Variants in CDH12 observed in about 807,000 individuals in gnomAD.
CDH12 encodes the protein cadherin 12.
In CDH12, 41 loss-of-function variants were observed where a neutral mutation model predicts 74.1. The observed-to-expected ratio is 0.55, with a 90% CI of 0.43 to 0.72. CDH12 has a LOEUF of 0.72. Among genes scored for constraint, CDH12 ranks in the 30% least tolerant of loss-of-function variants. The pLI is 0.00. For synonymous variants in CDH12, 399 were observed against 355.0 expected (o/e 1.12, Z -1.39); for missense variants, 945 against 977.2 (o/e 0.97, Z 0.44).
intron 1 of CDH12, among the ~76,000 whole-genome samples, chr5:22,589,915 C>G (rs1740616285): frequency 6.6e-6 from 1 of 152,030 alleles, no homozygotes; most frequent in Non-Finnish European, 1.5e-5. Flanking sequence ...GGGTTCTAAC[C>G]CACTATTATC....
At chr5:22,228,366 T>C (rs968835612) in intron 3 of CDH12, among the ~76,000 whole-genome samples, 11 of 152,112 alleles carry the variant, frequency 7.2e-5, no homozygotes, top group Admixed American at 5.9e-4. Context: ...GGTGTGTGTA[T>C]AAGTGTTACT....
rs191861459 is a variant in CDH12 at position 22,743,610 on chromosome 5, T to A, written c.-523+109448A>T. ...TTACTAAAGGTCATTATACATGAAA[T>A]GTTTTACTGATCATTTTACTTATAG... On this transcript the variant is annotated intron_variant, in intron 1 of 14. Transcript: ENST00000382254. 1.5e-3 allele frequency among the ~76,000 whole-genome samples: 231 copies of A among 152,258 alleles called. 1 individual carries two copies. The highest frequency in any genetic ancestry group is 5.3e-3 in the African/African-American group (222 of 41,562).
At chr5:21,838,802 G>A (rs999065541) in intron 8 of CDH12, among the ~76,000 whole-genome samples, 2 of 152,108 alleles carry the variant, frequency 1.3e-5, no homozygotes, top group African/African-American at 4.8e-5. Context: ...CTTTGCCATT[G>A]AGCCATTGTC....
chr5:21,968,264 T>C (rs1267001033), intron 6 of CDH12, among the ~76,000 whole-genome samples: 1 of 152,184 alleles, frequency 6.6e-6, no homozygotes, highest in Non-Finnish European at 1.5e-5. Flanking sequence ...TTGTGGCAAA[T>C]GGTAAATATA....
chr5:22,276,986 C>T (rs1736663293), intron 3 of CDH12, among the ~76,000 whole-genome samples: 1 of 152,196 alleles, frequency 6.6e-6, no homozygotes, highest in Admixed American at 6.5e-5. Flanking sequence ...GTGACTAATT[C>T]AGTAAGCTAA....
intron 1 of CDH12, among the ~76,000 whole-genome samples, chr5:22,607,873 T>C (rs1009210826): frequency 1.3e-5 from 2 of 152,126 alleles, no homozygotes; most frequent in South Asian, 2.1e-4. Context: ...TAAGGGTGCA[T>C]AGAAGTCAAG....
intron 4 of CDH12, among the ~76,000 whole-genome samples, chr5:22,165,865 C>T (rs1748653415): frequency 1.3e-5 from 2 of 152,282 alleles, no homozygotes; most frequent in Admixed American, 1.3e-4. Flanking sequence ...TTACAAATGC[C>T]ATGGCAAGAT....
chr5:22,257,424 C>G (rs1436374815), intron 3 of CDH12, among the ~76,000 whole-genome samples: 1 of 151,552 alleles, frequency 6.6e-6, no homozygotes, highest in Non-Finnish European at 1.5e-5. Flanking sequence ...TACATCTGTA[C>G]AATGTGTTTG....
At chr5:22,283,046 ATAC>A (rs1429711841) in intron 3 of CDH12, among the ~76,000 whole-genome samples, 3 of 152,030 alleles carry the variant, frequency 2.0e-5, no homozygotes, top group Admixed American at 6.6e-5. Context: ...ACACCATGGA[ATAC>A]TATGCAGCCA....
At chr5:22,608,106 T>C (rs1478547343) in intron 1 of CDH12, among the ~76,000 whole-genome samples, 1 of 152,074 alleles carries the variant, frequency 6.6e-6, no homozygotes, top group Non-Finnish European at 1.5e-5. Context: ...CCCAGAATGG[T>C]AGATCCACTG....
chr5:22,463,034 CA>C (rs1406893940), intron 2 of CDH12, among the ~76,000 whole-genome samples: 1 of 151,910 alleles, frequency 6.6e-6, no homozygotes, highest in Non-Finnish European at 1.5e-5. Context: ...AGGCAGAGAC[CA>C]CGAATTAATA....
chr5:22,344,665 A>G (rs1164793257), intron 3 of CDH12, among the ~76,000 whole-genome samples: 1 of 152,150 alleles, frequency 6.6e-6, no homozygotes, highest in Non-Finnish European at 1.5e-5. Context: ...CAAATAGACT[A>G]AATTCTCTGA....
At chr5:21,755,234 AAAAC>A (rs1744317141) in intron 14 of CDH12, among the ~76,000 whole-genome samples, 1 of 152,204 alleles carries the variant, frequency 6.6e-6, no homozygotes, top group Admixed American at 6.5e-5. Context: ...ACTAGGAAGT[AAAAC>A]AAATTGAGAA....
intron 1 of CDH12, among the ~76,000 whole-genome samples, chr5:22,602,132 G>T (rs2126813491): frequency 6.6e-6 from 1 of 152,142 alleles, no homozygotes; most frequent in Non-Finnish European, 1.5e-5. Flanking sequence ...AAAATAATTA[G>T]CTGTCAATTA....
chr5:22,561,699 T>C (rs575426855), intron 1 of CDH12, among the ~76,000 whole-genome samples: 7 of 152,092 alleles, frequency 4.6e-5, no homozygotes, highest in Non-Finnish European at 8.8e-5. Context: ...CAGAGGAAAC[T>C]GAAGTCAAGA....
chr5:22,083,423 C>G (rs974653576), intron 4 of CDH12, among the ~76,000 whole-genome samples: 8 of 152,036 alleles, frequency 5.3e-5, no homozygotes, highest in Non-Finnish European at 1.0e-4. Context: ...TAAAGAGAAG[C>G]TAGGGAGGAG....
chr5:22,501,743 T>C (rs988632566), intron 2 of CDH12, among the ~76,000 whole-genome samples: 9 of 99,978 alleles, frequency 9.0e-5, no homozygotes, highest in Non-Finnish European at 1.2e-4. Flanking sequence ...TTACAAAGTA[T>C]ATTAAAAAAA....
At chr5:22,052,076 C>T (rs1343641333) in intron 5 of CDH12, among the ~76,000 whole-genome samples, 11 of 152,156 alleles carry the variant, frequency 7.2e-5, no homozygotes, top group African/African-American at 2.7e-4. Flanking sequence ...CACAGTTTTA[C>T]ACACTTCATT....
chr5:22,484,096 T>G (rs1244369744), intron 2 of CDH12, among the ~76,000 whole-genome samples: 1 of 151,780 alleles, frequency 6.6e-6, no homozygotes, highest in African/African-American at 2.4e-5. Flanking sequence ...ACAAAGAAAA[T>G]ATTGATATAT....
Sources: gnomAD v4.1 joint callset for allele counts (sites outside exome capture counted in the v4.1 genomes callset) on GRCh38, gnomAD v4.1.1 for gene constraint, MANE v1.5 for transcripts, NCBI Gene and HGNC (gene_info 2026-07-23, HGNC 2026-07-21) for gene names.